Variants in RAP1A observed in about 807,000 individuals in gnomAD.
RAP1A encodes the protein ras-related protein Rap-1A.
A neutral mutation model predicts 26.4 loss-of-function variants in RAP1A; 6 were observed. The ratio of observed to expected loss-of-function variants is 0.23; its 90% CI spans 0.12 to 0.45. RAP1A has a LOEUF of 0.45. RAP1A is among the 20% of genes least tolerant of loss of function. The probability of loss-of-function intolerance (pLI) is 0.99; values close to 1 mark genes in which losing one functional copy is unlikely to be tolerated. For missense variants in RAP1A, 121 were observed against 217.2 expected, an observed-to-expected ratio of 0.56 and a Z score of 2.78; for synonymous variants, 73 against 79.4, an observed-to-expected ratio of 0.92 and a Z score of 0.43.
In RAP1A at chr1:111,591,218, C is replaced by G. The variant is rs553965062; in HGVS notation, c.-28+48709C>G. Among the ~76,000 whole-genome samples the G allele has an allele frequency of 2.6e-5, 4 of 152,146 alleles. No homozygotes were observed. In the East Asian group the frequency reaches 5.8e-4, roughly 22 times the overall value. On this transcript the variant is annotated intron_variant, in intron 1 of 7. Coordinates refer to the RAP1A transcript ENST00000356415. ...TCTCCTATTGTTTAAAAAATGTTACCTATGTAGCGATTTTCTTTTTTTAAT... is the reference window on the plus strand; with the variant it reads ...TCTCCTATTGTTTAAAAAATGTTACGTATGTAGCGATTTTCTTTTTTTAAT...
chr1:111,675,420 C>T (rs955335897), intron 1 of RAP1A, among the ~76,000 whole-genome samples: 4 of 152,024 alleles, frequency 2.6e-5, no homozygotes, highest in Admixed American at 6.5e-5. Flanking sequence ...TGCAGTGAGC[C>T]GAGATCGCGC....
intron 1 of RAP1A, among the ~76,000 whole-genome samples, chr1:111,560,847 C>A (rs1657709943): frequency 6.6e-6 from 1 of 152,178 alleles, no homozygotes; most frequent in African/African-American, 2.4e-5. Context: ...CAGCCAATTT[C>A]TCTCCATCCT....
chr1:111,683,905 A>G (rs753372201), intron 1 of RAP1A, among the ~76,000 whole-genome samples: 4 of 152,214 alleles, frequency 2.6e-5, no homozygotes, highest in Non-Finnish European at 5.9e-5. Flanking sequence ...CGATGCAAAA[A>G]TCCTCAATAA....
intron 1 of RAP1A, chr1:111,602,387 A>G (rs772789200): frequency 3.9e-5 from 6 of 152,266 alleles, no homozygotes; most frequent in Non-Finnish European, 8.8e-5. Context: ...TAATATCTAC[A>G]TAGTAGGGGC....
chr1:111,635,657 C>CA (rs1341424154), intron 1 of RAP1A, among the ~76,000 whole-genome samples: 1 of 152,146 alleles, frequency 6.6e-6, no homozygotes, highest in Non-Finnish European at 1.5e-5. Flanking sequence ...CCTCTGCCTG[C>CA]AGGGTTCAAG....
At chr1:111,648,809 C>G in intron 1 of RAP1A, 1 of 676,066 alleles carries the variant, frequency 1.5e-6, no homozygotes, top group Middle Eastern at 4.2e-4. Flanking sequence ...TTCAAGCCAG[C>G]TCATTGTATT....
At chr1:111,680,434 G>T (rs1397810159) in intron 1 of RAP1A, among the ~76,000 whole-genome samples, 2 of 152,126 alleles carry the variant, frequency 1.3e-5, no homozygotes, top group Non-Finnish European at 2.9e-5. Flanking sequence ...TCTGATTGGT[G>T]CTTTTTTCAG....
intron 1 of RAP1A, among the ~76,000 whole-genome samples, chr1:111,683,827 C>G (rs2101217743): frequency 6.6e-6 from 1 of 152,250 alleles, no homozygotes; most frequent in African/African-American, 2.4e-5. Context: ...CAGTGTCATC[C>G]TGATACCCAA....
chr1:111,648,425 T>A (rs1480577832), intron 1 of RAP1A: 1 of 589,866 alleles, frequency 1.7e-6, no homozygotes, highest in Non-Finnish European at 3.2e-6. Context: ...CTTGCCATCT[T>A]CCAGCAGGTG....
At chr1:111,648,493 C>T in intron 1 of RAP1A, 2 of 552,900 alleles carry the variant, frequency 3.6e-6, no homozygotes, top group South Asian at 3.2e-5. Flanking sequence ...GGGCCTCGTA[C>T]TCACTCCTGG....
At chr1:111,711,948 C>T (rs1662398340) in intron 7 of RAP1A, among the ~76,000 whole-genome samples, 1 of 152,172 alleles carries the variant, frequency 6.6e-6, no homozygotes, top group Admixed American at 6.5e-5. Context: ...CTTTCTGTAT[C>T]ATCCCTTGCC....
At position 111,648,174 on chromosome 1, in the gene RAP1A, A is replaced by AGTGT. The variant is rs143658994; in HGVS notation, c.-28+28267_-28+28270dup. 6.7e-3 allele frequency: 1,537 copies of AGTGT among 230,852 alleles called. 6 individuals are homozygous for AGTGT. The highest frequency in any genetic ancestry group is 9.5e-3 in the Non-Finnish European group (1,145 of 120,272). The allele number at this position is 230,852 out of a possible 1,614,324, so 14.3% of individuals were successfully genotyped here. A position where few individuals can be genotyped will look rare whatever the true frequency, so the allele number is the denominator to read the frequency against. On this transcript the variant is annotated intron_variant, in intron 1 of 7. Transcript: ENST00000369709. Reference sequence around the variant, plus strand: ...GAGCCTCTGCCTCCCAGGTTCAAACAGTGTGTGTGTGTGTGTGTGTGTGTG... The same window carrying AGTGT: ...GAGCCTCTGCCTCCCAGGTTCAAACAGTGTGTGTGTGTGTGTGTGTGTGTGTGTG...
chr1:111,699,247 A>G, intron 4 of RAP1A, among the ~76,000 whole-genome samples: 1 of 152,190 alleles, frequency 6.6e-6, no homozygotes, highest in East Asian at 1.9e-4. Flanking sequence ...TAGTGATTTT[A>G]CTATCCATAT....
At chr1:111,669,160 A>G (rs1461262721) in intron 1 of RAP1A, among the ~76,000 whole-genome samples, 2 of 152,218 alleles carry the variant, frequency 1.3e-5, no homozygotes, top group African/African-American at 4.8e-5. Context: ...ACCAAAATAA[A>G]GAGACAGAAA....
At chr1:111,660,444 A>G (rs903045733) in intron 1 of RAP1A, among the ~76,000 whole-genome samples, 1 of 151,924 alleles carries the variant, frequency 6.6e-6, no homozygotes, top group Non-Finnish European at 1.5e-5. Context: ...TTTGGTGTCT[A>G]TCCTCTCTTT....
intron 1 of RAP1A, among the ~76,000 whole-genome samples, chr1:111,585,135 T>C (rs1036344316): frequency 5.3e-5 from 8 of 152,228 alleles, no homozygotes; most frequent in Admixed American, 6.5e-5. Flanking sequence ...TCACCTCTGT[T>C]GCCGATTTAA....
At chr1:111,703,584 C>T (rs1367183025) in intron 5 of RAP1A, 108 bp downstream of exon 5, 7 of 1,069,848 alleles carry the variant, frequency 6.5e-6, no homozygotes, top group African/African-American at 3.2e-5. Context: ...CTACCACATG[C>T]CTGAAAGAGC....
intron 1 of RAP1A, among the ~76,000 whole-genome samples, chr1:111,659,866 A>G (rs959051537): frequency 2.0e-5 from 3 of 152,178 alleles, no homozygotes; most frequent in African/African-American, 7.2e-5. Context: ...TGGGTAGTGC[A>G]AGTACCTTGG....
intron 1 of RAP1A, among the ~76,000 whole-genome samples, chr1:111,650,274 G>A (rs1557877995): frequency 2.0e-5 from 3 of 151,824 alleles, no homozygotes; most frequent in Admixed American, 2.0e-4. Flanking sequence ...GCTATCTTTT[G>A]CATTAGTTTT....
Sources: gnomAD v4.1 joint callset for allele counts (sites outside exome capture counted in the v4.1 genomes callset) on GRCh38, gnomAD v4.1.1 for gene constraint, MANE v1.5 for transcripts, NCBI Gene and HGNC (gene_info 2026-07-23, HGNC 2026-07-21) for gene names.